TMEM131: variants seen among roughly 807,000 people sequenced by gnomAD.
The protein encoded by TMEM131 is transmembrane protein 131.
In TMEM131, 66 loss-of-function variants were observed where a neutral mutation model predicts 211.6. The observed-to-expected ratio is 0.31, with a 90% confidence interval of 0.26 to 0.38. The LOEUF (loss-of-function observed/expected upper bound fraction) is 0.38, where lower values mean the gene tolerates loss of function less well. Among genes scored for constraint, TMEM131 ranks in the 10% least tolerant of loss-of-function variants. The probability of loss-of-function intolerance (pLI) is 1.00; values close to 1 mark genes in which losing one functional copy is unlikely to be tolerated. For synonymous variants in TMEM131, 844 were observed against 841.3 expected, an observed-to-expected ratio of 1.00 and a Z score of -0.06; for missense variants, 2,036 against 2,299.3, an observed-to-expected ratio of 0.89 and a Z score of 2.34.
At chr2:97,865,904 A>G (rs564365754) in intron 4 of TMEM131, among the ~76,000 whole-genome samples, 1 of 152,084 alleles carries the variant, frequency 6.6e-6, no homozygotes, top group Admixed American at 6.5e-5. Context: ...TTGTTTTGAG[A>G]TGGAGTCTCG....
At chr2:97,864,907 T>G (rs1246082783) in intron 4 of TMEM131, among the ~76,000 whole-genome samples, 2 of 152,064 alleles carry the variant, frequency 1.3e-5, no homozygotes, top group African/African-American at 4.8e-5. Context: ...GGGTAAGGAG[T>G]TGATGAGCAG....
intron 26 of TMEM131, 29 bp from the exon 27 acceptor site, chr2:97,797,015 T>C: frequency 6.2e-7 from 1 of 1,601,368 alleles, no homozygotes; most frequent in Non-Finnish European, 8.5e-7. Flanking sequence ...TACAGATTTT[T>C]CTCTCATTAA....
intron 1 of TMEM131, among the ~76,000 whole-genome samples, chr2:97,990,993 A>G (rs1158136630): frequency 2.0e-5 from 3 of 152,218 alleles, no homozygotes; most frequent in Non-Finnish European, 4.4e-5. Flanking sequence ...TTAAATTGTC[A>G]TAGGTTGAAA....
chr2:97,827,370 G>C, intron 11 of TMEM131: 1 of 931,058 alleles, frequency 1.1e-6, no homozygotes, highest in Non-Finnish European at 1.8e-6. Context: ...AGGCAGCAGC[G>C]AAGGATAAAT....
At chr2:97,951,751 C>G (rs1428460203) in intron 1 of TMEM131, among the ~76,000 whole-genome samples, 1 of 152,166 alleles carries the variant, frequency 6.6e-6, no homozygotes, top group Non-Finnish European at 1.5e-5. Context: ...GGAAATTACT[C>G]CAGTCCAGTG....
chr2:97,851,236 C>A (rs187315344), intron 5 of TMEM131, among the ~76,000 whole-genome samples: 54 of 152,168 alleles, frequency 3.5e-4, no homozygotes, highest in Non-Finnish European at 6.0e-4. Context: ...TTTGCCACCT[C>A]CTCTTGGATA....
chr2:97,772,688 A>G (rs1679524815), intron 32 of TMEM131, among the ~76,000 whole-genome samples: 2 of 151,956 alleles, frequency 1.3e-5, no homozygotes, highest in Admixed American at 6.6e-5. Flanking sequence ...CTGAGCTCAG[A>G]AGTTCAAGAC....
At chr2:97,941,528 T>C (rs1299127981) in intron 1 of TMEM131, among the ~76,000 whole-genome samples, 1 of 152,008 alleles carries the variant, frequency 6.6e-6, no homozygotes, top group Non-Finnish European at 1.5e-5. Context: ...ACCATCAGAG[T>C]GAACAGGCAA....
intron 11 of TMEM131, chr2:97,827,151 G>C: frequency 1.7e-6 from 1 of 594,608 alleles, no homozygotes; most frequent in African/African-American, 1.9e-5. Context: ...TAACAGTGTT[G>C]GGGAGGAGTG....
At chr2:97,857,740 T>A (rs890182353) in intron 5 of TMEM131, among the ~76,000 whole-genome samples, 1 of 152,076 alleles carries the variant, frequency 6.6e-6, no homozygotes, top group Non-Finnish European at 1.5e-5. Flanking sequence ...GGGATGATAA[T>A]AGAACACCGA....
At chr2:97,882,772 A>G (rs1456738543) in intron 4 of TMEM131, among the ~76,000 whole-genome samples, 1 of 152,136 alleles carries the variant, frequency 6.6e-6, no homozygotes, top group Non-Finnish European at 1.5e-5. Context: ...CCTCTGATTG[A>G]ACCCTTACAC....
intron 33 of TMEM131, among the ~76,000 whole-genome samples, chr2:97,769,502 G>A (rs1010785675): frequency 1.3e-5 from 2 of 152,210 alleles, no homozygotes; most frequent in Non-Finnish European, 2.9e-5. Flanking sequence ...ACCAGCTGTG[G>A]AGCAGGGTTT....
At chr2:97,815,960 G>A (rs544135480) in intron 12 of TMEM131, among the ~76,000 whole-genome samples, 75 of 152,220 alleles carry the variant, frequency 4.9e-4, no homozygotes, top group African/African-American at 1.7e-3. Flanking sequence ...AAAACTCATG[G>A]TATAAGAGGA....
chr2:97,925,188 T>A (rs569006745), intron 2 of TMEM131, among the ~76,000 whole-genome samples: 46 of 152,242 alleles, frequency 3.0e-4, no homozygotes, highest in Non-Finnish European at 5.0e-4. Flanking sequence ...CTATTTTTTT[T>A]AAAAAGAAAG....
chr2:97,972,054 A>T (rs189577412), intron 1 of TMEM131, among the ~76,000 whole-genome samples: 9 of 150,648 alleles, frequency 6.0e-5, no homozygotes, highest in Non-Finnish European at 1.0e-4. Flanking sequence ...CTAAAACTAC[A>T]AAAATTAGCC....
intron 1 of TMEM131, among the ~76,000 whole-genome samples, chr2:97,941,518 A>G (rs1677725423): frequency 6.6e-6 from 1 of 152,236 alleles, no homozygotes; most frequent in South Asian, 2.1e-4. Context: ...AAAAGAAACT[A>G]CCATCAGAGT....
chr2:97,889,012 CAGAGG>C (rs1479813464), intron 3 of TMEM131, among the ~76,000 whole-genome samples: 1 of 151,984 alleles, frequency 6.6e-6, no homozygotes, highest in East Asian at 1.9e-4. Flanking sequence ...ATTAAGGAGT[CAGAGG>C]AAATATCCAG....
At chr2:97,951,719 C>G (rs1156465220) in intron 1 of TMEM131, among the ~76,000 whole-genome samples, 1 of 152,146 alleles carries the variant, frequency 6.6e-6, no homozygotes, top group Non-Finnish European at 1.5e-5. Flanking sequence ...ATACACACCA[C>G]ACCGCCCCAA....
chr2:97,946,426 C>T (rs917637833), intron 1 of TMEM131, among the ~76,000 whole-genome samples: 3 of 151,850 alleles, frequency 2.0e-5, no homozygotes, highest in East Asian at 1.9e-4. Flanking sequence ...AGACTGAATA[C>T]GACTATACTT....
Sources: gnomAD v4.1 joint callset for allele counts (sites outside exome capture counted in the v4.1 genomes callset) on GRCh38, gnomAD v4.1.1 for gene constraint, MANE v1.5 for transcripts, NCBI Gene and HGNC (gene_info 2026-07-23, HGNC 2026-07-21) for gene names.